METTL8: variants seen among roughly 807,000 people sequenced by gnomAD.
METTL8 encodes the protein methyltransferase 8, tRNA N3-cytidine.
METTL8 carries 32 observed loss-of-function variants against 48.7 expected under a neutral mutation model. The observed-to-expected ratio is 0.66, with a 90% CI of 0.50 to 0.88. The LOEUF is 0.88. Among genes scored for constraint, METTL8 ranks in the 40% least tolerant of loss-of-function variants. METTL8 has a pLI of 0.00. For synonymous variants in METTL8, 136 were observed against 157.1 expected, an observed-to-expected ratio of 0.87 and a Z score of 1.01; for missense variants, 464 against 474.4, an observed-to-expected ratio of 0.98 and a Z score of 0.20.
At chr2:171,326,717 T>A (rs1450790171) in intron 7 of METTL8, among the ~76,000 whole-genome samples, 1 of 152,202 alleles carries the variant, frequency 6.6e-6, no homozygotes, top group Non-Finnish European at 1.5e-5. Context: ...TTTTTATTTT[T>A]AATGACATCT....
At chr2:171,389,731 G>C (rs1035921419) in intron 2 of METTL8, among the ~76,000 whole-genome samples, 2 of 152,090 alleles carry the variant, frequency 1.3e-5, no homozygotes, top group African/African-American at 4.8e-5. Context: ...AGCTGCAGAA[G>C]AAAAGTGAAG....
chr2:171,377,649 T>C (rs1450538686), intron 2 of METTL8, among the ~76,000 whole-genome samples: 3 of 152,126 alleles, frequency 2.0e-5, no homozygotes, highest in Non-Finnish European at 1.5e-5. Context: ...TCAACATCAC[T>C]AGTTATCAAG....
At chr2:171,420,767 A>G (rs192560530) in intron 1 of METTL8, among the ~76,000 whole-genome samples, 20 of 152,354 alleles carry the variant, frequency 1.3e-4, no homozygotes, top group Admixed American at 1.0e-3. Context: ...AATTTGCCAC[A>G]TTACCAGATT....
At position 171,320,380 on chromosome 2, in the gene METTL8, C is replaced by CTGTA. The variant is rs1041798951; in HGVS notation, c.*3788_*3791dup. The CTGTA allele has an allele frequency of 4.6e-5, 7 of 152,356 alleles. No individual in the cohort carries two copies. The highest frequency in any genetic ancestry group is 1.7e-4 in the African/African-American group (7 of 41,578). The allele number at this position is 152,356 out of a possible 1,614,324, so 9.4% of individuals were successfully genotyped here. A position where few individuals can be genotyped will look rare whatever the true frequency, so the allele number is the denominator to read the frequency against. On this transcript the variant is annotated 3_prime_UTR_variant, in exon 10 of 10. Transcript: ENST00000375258. Reference sequence around the variant, plus strand: ...AAGCTTCTAAAGGTTAACTCACATGCTGTAATACATTATAGAAAGACACGA... The same window carrying CTGTA: ...AAGCTTCTAAAGGTTAACTCACATGCTGTATGTAATACATTATAGAAAGACACGA...
intron 9 of METTL8, among the ~76,000 whole-genome samples, chr2:171,325,171 C>T (rs1684822536): frequency 6.7e-6 from 1 of 149,226 alleles, no homozygotes; most frequent in African/African-American, 2.5e-5. Context: ...AGTAATTTTC[C>T]TTCTTTCTAT....
chr2:171,353,167 T>C (rs1191320280), intron 3 of METTL8, among the ~76,000 whole-genome samples: 3 of 152,242 alleles, frequency 2.0e-5, no homozygotes, highest in Non-Finnish European at 4.4e-5. Context: ...TGGTATGTTG[T>C]ATCTTTGTTC....
intron 2 of METTL8, among the ~76,000 whole-genome samples, chr2:171,376,718 A>T (rs1237439061): frequency 6.6e-6 from 1 of 152,258 alleles, no homozygotes; most frequent in Non-Finnish European, 1.5e-5. Flanking sequence ...AAACAAATGG[A>T]AACACATTCC....
chr2:171,429,917 G>A (rs976679257), intron 1 of METTL8, among the ~76,000 whole-genome samples: 3 of 152,040 alleles, frequency 2.0e-5, no homozygotes, highest in African/African-American at 7.3e-5. Flanking sequence ...GCATGTGCCT[G>A]TAATCCCAGC....
At position 171,395,946 on chromosome 2, in the gene METTL8, C is replaced by T. The variant is rs55904156; in HGVS notation, c.-12-3749G>A. Among the ~76,000 whole-genome samples, 386 of 152,256 alleles carry T rather than the reference C, an allele frequency of 2.5e-3. 1 individual carries two copies. Among genetic ancestry groups the T allele is most frequent in the Middle Eastern group, 0.01 (3 of 292 alleles). On this transcript the variant is annotated intron_variant, in intron 1 of 9. Coordinates refer to ENST00000375258, the MANE Select transcript of METTL8 (RefSeq NM_001321154.2). Reference sequence around the variant, plus strand: ...GGAACATTCACCAAGGTAGACCATACGCTGGGCTATAAAACAAGTCTCAAT... The same window carrying T: ...GGAACATTCACCAAGGTAGACCATATGCTGGGCTATAAAACAAGTCTCAAT...
At chr2:171,407,476 C>G (rs1690308811) in intron 1 of METTL8, among the ~76,000 whole-genome samples, 1 of 152,074 alleles carries the variant, frequency 6.6e-6, no homozygotes, top group Non-Finnish European at 1.5e-5. Flanking sequence ...TGAGAAGGAA[C>G]TACTGCTTTG....
chr2:171,393,587 C>T lies in METTL8; in HGVS notation c.-12-1390G>A, dbSNP rs148096954. On this transcript the variant is annotated intron_variant, in intron 1 of 9. Coordinates refer to ENST00000375258, the MANE Select transcript of METTL8 (RefSeq NM_001321154.2). ...TTTATGGAAAAGTATTAAAAAGAAG[C>T]TCTAAGGTGCTTACTTTTTCCAATA... Among the ~76,000 whole-genome samples, 203 of 152,142 alleles carry T rather than the reference C, an allele frequency of 1.3e-3. 4 individuals carry two copies. The East Asian group carries it at 0.014, about 11-fold the overall frequency.
rs556775797 is a variant in METTL8, at chr2:171,378,280, T to C, written c.143+13763A>G. Among the ~76,000 whole-genome samples the C allele has an allele frequency of 1.2e-3, 176 of 152,288 alleles. 2 individuals are homozygous for C. The Middle Eastern group carries it at 0.02, about 18-fold the overall frequency. On this transcript the variant is annotated intron_variant, in intron 2 of 9. Transcript: ENST00000375258. ...ATGGACAGCAGAAAAAAGCAGGGGTTGCAATTCTAGTTTCTGACAAGACAG... is the reference window on the plus strand; with the variant it reads ...ATGGACAGCAGAAAAAAGCAGGGGTCGCAATTCTAGTTTCTGACAAGACAG...
chr2:171,329,242 C>T (rs111602791), intron 7 of METTL8, among the ~76,000 whole-genome samples: 9,703 of 151,620 alleles, frequency 0.064, 559 homozygotes, highest in African/African-American at 0.15. Flanking sequence ...CCACCCACCT[C>T]GGCTTCCCAA....
chr2:171,430,461 A>G (rs915734466), intron 1 of METTL8, among the ~76,000 whole-genome samples: 3 of 152,186 alleles, frequency 2.0e-5, no homozygotes, highest in African/African-American at 7.2e-5. Context: ...GGTGCAGCAA[A>G]TCACGATGGC....
Position 171,421,573 on chromosome 2 carries a change from A to G in METTL8, c.-13+12310T>C, listed in dbSNP as rs375992938. 1.5e-4 allele frequency among the ~76,000 whole-genome samples: 23 copies of G among 152,324 alleles called. No individual in the cohort carries two copies. In the East Asian group the frequency reaches 2.3e-3, roughly 15 times the overall value. ...ATGCAAGTCCTTTAAAGAAAAAATT[A>G]TAAAACTTCACTGAGCCACTAATGA... On this transcript the variant is annotated intron_variant, in intron 1 of 9. Transcript: ENST00000375258.
At chr2:171,397,453 CCAA>C (rs1431911308) in intron 1 of METTL8, among the ~76,000 whole-genome samples, 1 of 146,844 alleles carries the variant, frequency 6.8e-6, no homozygotes, top group African/African-American at 2.5e-5. Flanking sequence ...ACTTGGGAGG[CCAA>C]CGAGGGAGGA....
intron 2 of METTL8, among the ~76,000 whole-genome samples, chr2:171,365,669 T>C (rs983801172): frequency 1.3e-5 from 2 of 152,194 alleles, no homozygotes; most frequent in Admixed American, 1.3e-4. Flanking sequence ...TTTTTCTATA[T>C]ACTACAAAAT....
At chr2:171,405,740 A>C (rs1574163604) in intron 1 of METTL8, among the ~76,000 whole-genome samples, 1 of 152,196 alleles carries the variant, frequency 6.6e-6, no homozygotes. Flanking sequence ...AGGCCAAAGA[A>C]AGGGGAAATA....
chr2:171,363,792 T>TATATATATATATATATATATATATATA (rs1685404264), intron 2 of METTL8, among the ~76,000 whole-genome samples: 2 of 97,452 alleles, frequency 2.1e-5, no homozygotes, highest in African/African-American at 8.2e-5. Context: ...TCCCCAAATT[T>TATATATATATATATATATATATATATA]TATATATATA....
Sources: allele counts gnomAD v4.1 joint callset (sites outside exome capture counted in the v4.1 genomes callset), GRCh38; gene constraint gnomAD v4.1.1; transcripts MANE v1.5; gene names NCBI Gene and HGNC (gene_info 2026-07-23, HGNC 2026-07-21).